ZDHHC14: variants seen among roughly 807,000 people sequenced by gnomAD.
ZDHHC14 encodes the protein palmitoyltransferase ZDHHC14.
Under a neutral mutation model 47.7 loss-of-function variants are expected in ZDHHC14, and 16 were observed. The observed-to-expected ratio is 0.34, with a 90% CI of 0.23 to 0.51. The LOEUF (loss-of-function observed/expected upper bound fraction) is 0.51. ZDHHC14 is among the 20% of genes least tolerant of loss of function. The probability of loss-of-function intolerance (pLI) is 0.97; values close to 1 mark genes in which losing one functional copy is unlikely to be tolerated. For synonymous variants in ZDHHC14, 293 were observed against 278.9 expected (o/e 1.05, Z -0.50); for missense variants, 515 against 662.5 (o/e 0.78, Z 2.44).
intron 2 of ZDHHC14, among the ~76,000 whole-genome samples, chr6:157,555,809 T>C (rs573078389): frequency 6.6e-6 from 1 of 152,172 alleles, no homozygotes; most frequent in African/African-American, 2.4e-5. Flanking sequence ...CCCACTAGAA[T>C]TGTGCCAAAA....
At chr6:157,581,271 G>A (rs1783509968) in intron 2 of ZDHHC14, among the ~76,000 whole-genome samples, 2 of 149,602 alleles carry the variant, frequency 1.3e-5, no homozygotes, top group Non-Finnish European at 1.5e-5. Context: ...TTTTTCTTGT[G>A]CTATGGCTTG....
intron 2 of ZDHHC14, among the ~76,000 whole-genome samples, chr6:157,590,140 G>A (rs1234373919): frequency 6.6e-6 from 1 of 152,168 alleles, no homozygotes; most frequent in Non-Finnish European, 1.5e-5. Flanking sequence ...AGAGGTGACA[G>A]AGCATAAACG....
At position 157,540,975 on chromosome 6, in the gene ZDHHC14, T is replaced by C. The variant is rs577290029; in HGVS notation, c.246-1610T>C. 6.0e-5 allele frequency among the ~76,000 whole-genome samples: 9 copies of C among 150,246 alleles called. No individual in the cohort carries two copies. The South Asian group carries it at 1.9e-3, about 31-fold the overall frequency. ...AATTTCATGCCTTCAATGTAGACTG[T>C]GTTTCTTTTTTTAACATTTTATTTG... On this transcript the variant is annotated intron_variant, in intron 1 of 8. Coordinates refer to ENST00000359775, the MANE Select transcript of ZDHHC14 (RefSeq NM_024630.3).
chr6:157,452,234 A>C (rs1039779912), intron 1 of ZDHHC14, among the ~76,000 whole-genome samples: 2 of 129,378 alleles, frequency 1.5e-5, no homozygotes, highest in African/African-American at 2.7e-5. Context: ...CTAATTTCCT[A>C]AAGTACCTAG....
chr6:157,413,481 T>A (rs1232440094), intron 1 of ZDHHC14, among the ~76,000 whole-genome samples: 1 of 152,210 alleles, frequency 6.6e-6, no homozygotes, highest in Admixed American at 6.5e-5. Context: ...AAGGGGAATT[T>A]CTTATTTCAT....
In ZDHHC14 at chr6:157,651,616, T is replaced by C. The variant is rs566254923; in HGVS notation, c.966-1909T>C. 3.3e-5 allele frequency among the ~76,000 whole-genome samples: 5 copies of C among 152,062 alleles called. No individual in the cohort carries two copies. In the South Asian group the frequency reaches 1.0e-3, roughly 32 times the overall value. The stretch of plus-strand genomic sequence containing the variant: ...TGGAGTCTCACTCTGTTGCCCAGGC[T>C]GGAGTGCAATGGCATGATCTTGGCT... On this transcript the variant is annotated intron_variant, in intron 7 of 8. Transcript: ENST00000359775.
chr6:157,509,779 A>C (rs1780416092), intron 1 of ZDHHC14, among the ~76,000 whole-genome samples: 1 of 152,256 alleles, frequency 6.6e-6, no homozygotes, highest in African/African-American at 2.4e-5. Flanking sequence ...ATCTTTAAAA[A>C]AATATAATGT....
intron 1 of ZDHHC14, among the ~76,000 whole-genome samples, chr6:157,444,973 C>T (rs964992885): frequency 6.6e-6 from 1 of 152,110 alleles, no homozygotes; most frequent in Admixed American, 6.5e-5. Context: ...CAAAACATAA[C>T]AGGGATCCCA....
chr6:157,517,094 C>T (rs916566991), intron 1 of ZDHHC14, among the ~76,000 whole-genome samples: 3 of 152,128 alleles, frequency 2.0e-5, no homozygotes, highest in African/African-American at 4.8e-5. Flanking sequence ...TTCAGTGCCA[C>T]GGAAGGGAAG....
intron 1 of ZDHHC14, among the ~76,000 whole-genome samples, chr6:157,383,782 T>G (rs1777259856): frequency 6.6e-6 from 1 of 152,104 alleles, no homozygotes; most frequent in Admixed American, 6.6e-5. Context: ...GTAGAGTCAG[T>G]GGGGAGACCT....
chr6:157,638,026 G>T (rs1298252883), intron 5 of ZDHHC14, among the ~76,000 whole-genome samples: 1 of 152,194 alleles, frequency 6.6e-6, no homozygotes, highest in Non-Finnish European at 1.5e-5. Flanking sequence ...TCTACTGTAA[G>T]TAAGCCCGGA....
intron 1 of ZDHHC14, among the ~76,000 whole-genome samples, chr6:157,487,204 T>C (rs1301911123): frequency 2.0e-5 from 3 of 152,122 alleles, no homozygotes; most frequent in Non-Finnish European, 2.9e-5. Context: ...GTGAGTATCA[T>C]CCTGGAGGAC....
At position 157,674,092 on chromosome 6, in the gene ZDHHC14, C is replaced by G. The variant is rs1176153668; in HGVS notation, c.*970C>G. On this transcript the variant is annotated 3_prime_UTR_variant, in exon 9 of 9. Coordinates refer to ENST00000359775, the MANE Select transcript of ZDHHC14 (RefSeq NM_024630.3). ...CTGGGAGATATTTATAGAATAATTTCTTAGATAAGAGGCAAGTTTTCCATC... is the reference window on the plus strand; with the variant it reads ...CTGGGAGATATTTATAGAATAATTTGTTAGATAAGAGGCAAGTTTTCCATC... 1 of 152,524 alleles carries G rather than the reference C, an allele frequency of 6.6e-6. No homozygotes were observed. The highest frequency in any genetic ancestry group is 1.5e-5 in the Non-Finnish European group (1 of 68,034). The allele number at this position is 152,524 out of a possible 1,614,324, so 9.4% of individuals were successfully genotyped here.
At chr6:157,634,882 C>T (rs761938724) in intron 5 of ZDHHC14, among the ~76,000 whole-genome samples, 3 of 152,250 alleles carry the variant, frequency 2.0e-5, no homozygotes, top group Non-Finnish European at 2.9e-5. Flanking sequence ...ATTCCAGCTG[C>T]CTTGTGTCTG....
chr6:157,641,428 C>G (rs183181794), intron 5 of ZDHHC14, among the ~76,000 whole-genome samples: 1 of 152,270 alleles, frequency 6.6e-6, no homozygotes, highest in East Asian at 1.9e-4. Context: ...AAAAATATTA[C>G]ACTGTTTTAA....
At position 157,445,105 on chromosome 6, in the gene ZDHHC14, T is replaced by TACACACACAC. The variant is rs533031947; in HGVS notation, c.245+62870_245+62879dup. On this transcript the variant is annotated intron_variant, in intron 1 of 8. Transcript: ENST00000359775. ...CATGGGTCTTAGCACTGCCAGATATTACACACACACACACACACACACACA... is the reference window on the plus strand; with the variant it reads ...CATGGGTCTTAGCACTGCCAGATATTACACACACACACACACACACACACACACACACACA... Among the ~76,000 whole-genome samples, 789 of 131,734 alleles carry TACACACACAC rather than the reference T, an allele frequency of 6.0e-3. 4 individuals carry two copies. The highest frequency in any genetic ancestry group is 0.043 in the East Asian group (196 of 4,574). 86.4% of individuals were successfully genotyped at this position (131,734 alleles called of 152,430 possible). A position where few individuals can be genotyped will look rare whatever the true frequency, so the allele number is the denominator to read the frequency against.
chr6:157,579,137 G>C (rs1316415651), intron 2 of ZDHHC14, among the ~76,000 whole-genome samples: 1 of 146,490 alleles, frequency 6.8e-6, no homozygotes, highest in Non-Finnish European at 1.5e-5. Flanking sequence ...AAATAGTGTT[G>C]AATCTGTAAA....
chr6:157,672,052 C>T (rs529336433), intron 8 of ZDHHC14, among the ~76,000 whole-genome samples: 12 of 152,320 alleles, frequency 7.9e-5, no homozygotes, highest in African/African-American at 2.4e-4. Flanking sequence ...TCTCTAAGAA[C>T]ATGACCCTCC....
intron 1 of ZDHHC14, among the ~76,000 whole-genome samples, chr6:157,461,976 T>A (rs1053960203): frequency 8.5e-5 from 13 of 152,194 alleles, no homozygotes; most frequent in African/African-American, 1.2e-4. Flanking sequence ...TGTAAAAAAA[T>A]TTTTTAAACC....
Sources: allele counts gnomAD v4.1 joint callset (sites outside exome capture counted in the v4.1 genomes callset), GRCh38; gene constraint gnomAD v4.1.1; transcripts MANE v1.5; gene names NCBI Gene and HGNC (gene_info 2026-07-23, HGNC 2026-07-21).